DIDO1: variants seen among roughly 807,000 people sequenced by gnomAD.
DIDO1 encodes death-inducer obliterator 1.
DIDO1 carries 16 observed loss-of-function variants against 99.4 expected under a neutral mutation model. That is an observed-to-expected ratio of 0.16 (90% CI 0.11 to 0.24). The LOEUF (loss-of-function observed/expected upper bound fraction) is 0.24, where lower values mean the gene tolerates loss of function less well. DIDO1 is among the 10% of genes least tolerant of loss of function. The probability of loss-of-function intolerance (pLI) is 1.00; values close to 1 mark genes in which losing one functional copy is unlikely to be tolerated. For missense variants in DIDO1, 2,996 were observed against 3,014.0 expected (o/e 0.99, Z 0.14); for synonymous variants, 1,366 against 1,239.1 (o/e 1.10, Z -2.15).
intron 6 of DIDO1, among the ~76,000 whole-genome samples, chr20:62,900,090 C>T (rs1600960735): frequency 6.6e-6 from 1 of 152,180 alleles, no homozygotes; most frequent in Non-Finnish European, 1.5e-5. Flanking sequence ...TGTCAGGGTA[C>T]GAGCCTCCCC....
intron 6 of DIDO1, chr20:62,904,900 G>T: frequency 1.2e-6 from 1 of 831,968 alleles, no homozygotes; most frequent in Non-Finnish European, 1.4e-6. Context: ...GTCTGACGAC[G>T]GGAAAGTGGG....
chr20:62,890,102 A>G (rs1173845925), intron 15 of DIDO1: 3 of 985,530 alleles, frequency 3.0e-6, no homozygotes, highest in Non-Finnish European at 3.6e-6. Flanking sequence ...GCCTGGTGAC[A>G]GGGACAGAGG....
Position 62,906,097 on chromosome 20 carries a change from C to T in DIDO1, c.1378G>A (p.Gly460Ser), listed in dbSNP as rs1213807812. 1 of 1,605,522 alleles carries T rather than the reference C, an allele frequency of 6.2e-7. No homozygotes were observed. Among genetic ancestry groups the T allele is most frequent in the South Asian group, 1.1e-5 (1 of 90,524 alleles). The change falls in exon 6 of 16, where the codon GGT (glycine) becomes AGT (serine). Residue 460 changes from glycine (G) to serine (S), a missense_variant. Transcript: ENST00000395343. ...PSLPKCGAQAGIKISSVHKRP... is the reference protein window; with the variant it reads ...PSLPKCGAQASIKISSVHKRP... ...TTGTGCACAGAAGAGATTTTAATACCTGCCTGGATAATCAGTAAAACCCCA... is the reference window on the plus strand; with the variant it reads ...TTGTGCACAGAAGAGATTTTAATACTTGCCTGGATAATCAGTAAAACCCCA...
chr20:62,927,814 C>T (rs2065279692), upstream of DIDO1, among the ~76,000 whole-genome samples: 1 of 152,218 alleles, frequency 6.6e-6, no homozygotes, highest in Non-Finnish European at 1.5e-5. Flanking sequence ...CTTGTTTTTG[C>T]TGGTGTGGCC....
At chr20:62,884,712 C>T (rs924831766) in intron 15 of DIDO1, among the ~76,000 whole-genome samples, 5 of 152,316 alleles carry the variant, frequency 3.3e-5, no homozygotes, top group African/African-American at 9.6e-5. Flanking sequence ...GCCTGCTCCA[C>T]GGGACACTTC....
Position 62,924,350 on chromosome 20 carries a change from C to CT in DIDO1, c.-200+2088dup, listed in dbSNP as rs1364143793. ...ATAGTAGGGAGTCACCTGTTAAACACTTTCAATCTTAGCTCTTCAAGAGCC... is the reference window on the plus strand; with the variant it reads ...ATAGTAGGGAGTCACCTGTTAAACACTTTTCAATCTTAGCTCTTCAAGAGCC... On this transcript the variant is annotated intron_variant, in intron 1 of 15. Transcript: ENST00000395343. 5.3e-5 allele frequency among the ~76,000 whole-genome samples: 8 copies of CT among 152,344 alleles called. No homozygotes were observed. The East Asian group carries it at 1.3e-3, about 26-fold the overall frequency.
At chr20:62,909,676 C>T in intron 4 of DIDO1, 23 bp downstream of exon 4, 4 of 1,608,438 alleles carry the variant, frequency 2.5e-6, no homozygotes, top group Middle Eastern at 1.7e-4. Context: ...GCTGAATGCT[C>T]GTCTCAGCGG....
In DIDO1 at chr20:62,893,849, C is replaced by T; in HGVS notation, c.2918G>A (p.Ser973Asn). 1 of 1,613,948 alleles carries T rather than the reference C, an allele frequency of 6.2e-7. No individual in the cohort carries two copies. Among genetic ancestry groups the T allele is most frequent in the South Asian group, 1.1e-5 (1 of 91,080 alleles). ...GGAGGCCACGGCTGTGCATGAACTG[C>T]TTGGAGCGGTCCTGGGGTCCCGGCC... ...VSGRDPRTAP[S>N]SSCTAVASAA... The change falls in exon 12 of 16, where the codon AGC (serine) becomes AAC (asparagine). Residue 973 changes from serine (S) to asparagine (N), a missense_variant. Physicochemically the swap from Ser to Asn is conservative, Grantham distance 46. Coordinates refer to ENST00000395343, the MANE Select transcript of DIDO1 (RefSeq NM_001193369.2).
Position 62,880,752 on chromosome 20 carries a change from G to A in DIDO1, c.5204C>T (p.Pro1735Leu). Reference protein sequence around the residue: ...PQARPGEGTAPLPPPGQKVGG... With the variant: ...PQARPGEGTALLPPPGQKVGG... ...CACTTTCTGTCCTGGTGGGGGGAGC[G>A]GGGCGGTGCCCTCGCCGGGTCTGGC... Residue 1735 changes from proline (P) to leucine (L), a missense_variant, in exon 16 of 16, where the codon CCG becomes CTG. Coordinates refer to ENST00000395343, the MANE Select transcript of DIDO1 (RefSeq NM_001193369.2). 1.2e-6 allele frequency: 2 copies of A among 1,612,704 alleles called. No individual in the cohort carries two copies. Among genetic ancestry groups the A allele is most frequent in the South Asian group, 1.1e-5 (1 of 91,086 alleles).
rs140972357 is a variant in DIDO1 at position 62,894,450 on chromosome 20, G to A, written c.2535C>T (p.Arg845=). 65 of 1,613,366 alleles carry A rather than the reference G, an allele frequency of 4.0e-5. No homozygotes were observed. In the African/African-American group the frequency reaches 4.1e-4, roughly 10 times the overall value. Residue 845 remains arginine (R), a synonymous_variant, in exon 11 of 16, where the codon CGC becomes CGT. Transcript: ENST00000395343. This position sits in a 1 kb window ranked among gnomAD's most constrained non-coding sequence, Gnocchi z 4.4. Reference sequence around the variant, plus strand: ...TACAGTTGAGATCGAAGAGGTGTGCGCGGTGCTGACTGGTGGTGTCTTTCA... The same window carrying A: ...TACAGTTGAGATCGAAGAGGTGTGCACGGTGCTGACTGGTGGTGTCTTTCA... ...SMLKDTTSQH[R]AHLFDLNCKI...
At chr20:62,907,774 C>CT (rs2064840081) in intron 4 of DIDO1, among the ~76,000 whole-genome samples, 1 of 152,168 alleles carries the variant, frequency 6.6e-6, no homozygotes, top group Admixed American at 6.5e-5. Context: ...GGTAAAAACC[C>CT]TTAAAAAAGG....
Position 62,907,257 on chromosome 20 carries a change from C to T in DIDO1, c.1264G>A (p.Ala422Thr). The change falls in exon 5 of 16, where the codon GCC (alanine) becomes ACC (threonine). Residue 422 changes from alanine (A) to threonine (T), a missense_variant. Physicochemically the swap from Ala to Thr is moderately conservative, Grantham distance 58. Coordinates refer to ENST00000395343, the MANE Select transcript of DIDO1 (RefSeq NM_001193369.2). ...YCSNDCILKH[A>T]AATMKFLSSG... ...CTTAGAAACTTCATTGTCGCTGCGGCGTGTTTGAGGATACAGTCATTACTG... is the reference window on the plus strand; with the variant it reads ...CTTAGAAACTTCATTGTCGCTGCGGTGTGTTTGAGGATACAGTCATTACTG... 1 of 1,614,196 alleles carries T rather than the reference C, an allele frequency of 6.2e-7. No homozygotes were observed. Among genetic ancestry groups the T allele is most frequent in the South Asian group, 1.1e-5 (1 of 91,088 alleles).
At chr20:62,922,231 C>CAT (rs750496107) in intron 1 of DIDO1, among the ~76,000 whole-genome samples, 26 of 92,144 alleles carry the variant, frequency 2.8e-4, no homozygotes, top group East Asian at 2.5e-3. Flanking sequence ...CACACACACA[C>CAT]ATATATATAT....
Position 62,911,066 on chromosome 20 carries a change from C to G in DIDO1, c.547G>C (p.Gly183Arg), listed in dbSNP as rs776773792. 3 of 1,613,828 alleles carry G rather than the reference C, an allele frequency of 1.9e-6. No homozygotes were observed. The South Asian group carries it at 3.3e-5, about 18-fold the overall frequency. Reference protein sequence around the residue: ...EQEPTERPLKGIQSRLRKKRR... With the variant: ...EQEPTERPLKRIQSRLRKKRR... ...TTCTTCCGCAGGCGACTCTGGATCC[C>G]TTTCAGGGGCCTCTCAGTGGGCTCC... Residue 183 changes from glycine (G) to arginine (R), a missense_variant, in exon 3 of 16, where the codon GGG (glycine) becomes CGG (arginine). By Grantham distance (125) the Gly-to-Arg change is moderately radical (BLOSUM62 -2). Around this residue, in one of 5 missense-constraint regions of DIDO1, gnomAD observed 388 missense variants for 376.6 expected, o/e 1.03. Transcript: ENST00000395343. The surrounding 1 kb of genome is among the most constrained non-coding windows in gnomAD (Gnocchi z 7.0).
chr20:62,891,266 A>G, intron 14 of DIDO1, 111 bp from the exon 15 acceptor site: 2 of 1,508,568 alleles, frequency 1.3e-6, no homozygotes, highest in South Asian at 2.6e-5. Flanking sequence ...TCCGACTCAC[A>G]GCCACGATCT....
chr20:62,887,739 A>G (rs946007783), intron 15 of DIDO1: 4 of 985,332 alleles, frequency 4.1e-6, no homozygotes, highest in Non-Finnish European at 4.8e-6. Context: ...TCTCCCTTCC[A>G]TGAACAAGGC....
Position 62,881,222 on chromosome 20 carries a change from G to T in DIDO1, c.4734C>A (p.Leu1578=), listed in dbSNP as rs373947316. Residue 1578 remains leucine, a synonymous_variant, in exon 16 of 16, where the codon CTC becomes CTA. Coordinates refer to ENST00000395343, the MANE Select transcript of DIDO1 (RefSeq NM_001193369.2). This position sits in a 1 kb window ranked among gnomAD's most constrained non-coding sequence, Gnocchi z 8.3. The part of the protein sequence containing the change: ...TETGEGEGEP[L]SRLSARGAQG... ...GGGCACCACGTGCCGAGAGCCTGGA[G>T]AGAGGCTCCCCCTCCCCCTCACCGG... 6.2e-7 allele frequency: 1 copy of T among 1,604,796 alleles called. No homozygotes were observed. The highest frequency in any genetic ancestry group is 8.5e-7 in the Non-Finnish European group (1 of 1,178,008).
chr20:62,924,042 C>T (rs1472261368), intron 1 of DIDO1, among the ~76,000 whole-genome samples: 1 of 152,216 alleles, frequency 6.6e-6, no homozygotes, highest in Non-Finnish European at 1.5e-5. Flanking sequence ...ACTGTGTACA[C>T]GTACATGAAA....
chr20:62,909,941 A>G lies in DIDO1; in HGVS notation c.919T>C (p.Leu307=). The change falls in exon 4 of 16, where the codon TTG becomes CTG. Residue 307 remains leucine, a synonymous_variant. Transcript: ENST00000395343. ...ATATAGTCTTCCCCATTCCTTTCCA[A>G]AAGCCTCCCTCGAGCCTCAGAAATG... is the stretch of plus-strand genomic sequence containing the variant. The part of the protein sequence containing the change: ...VGISEARGRL[L]ERNGEDYICP... 1 of 1,613,952 alleles carries G rather than the reference A, an allele frequency of 6.2e-7. No individual in the cohort carries two copies. The highest frequency in any genetic ancestry group is 8.5e-7 in the Non-Finnish European group (1 of 1,180,036).
Sources: gnomAD v4.1 joint callset for allele counts (sites outside exome capture counted in the v4.1 genomes callset) on GRCh38, gnomAD v4.1.1 for gene constraint, gnomAD v4.1.1 regional missense constraint, Gnocchi (gnomAD v3.1) non-coding constraint, MANE v1.5 for transcripts, NCBI Gene and HGNC (gene_info 2026-07-23, HGNC 2026-07-21) for gene names.